Variants in MINDY4 observed in about 807,000 individuals in gnomAD.
The protein encoded by MINDY4 is MINDY lysine 48 deubiquitinase 4.
Under a neutral mutation model 87.0 loss-of-function variants are expected in MINDY4, and 68 were observed. The observed-to-expected ratio is 0.78, with a 90% CI of 0.64 to 0.96. The LOEUF is 0.96. MINDY4 is among the 40% of genes least tolerant of loss of function. The pLI, the probability that MINDY4 is intolerant of heterozygous loss-of-function variation, is 0.00. For synonymous variants in MINDY4, 379 were observed against 363.2 expected, an observed-to-expected ratio of 1.04 and a Z score of -0.50; for missense variants, 919 against 928.2, an observed-to-expected ratio of 0.99 and a Z score of 0.13.
intron 6 of MINDY4, among the ~76,000 whole-genome samples, chr7:30,832,526 G>A (rs1020597054): frequency 2.6e-5 from 4 of 151,586 alleles, no homozygotes; most frequent in South Asian, 2.1e-4. Flanking sequence ...TTTTTGAGAT[G>A]GAGTCTTGCT....
chr7:30,852,652 G>A (rs1443358880), intron 11 of MINDY4, among the ~76,000 whole-genome samples: 2 of 152,154 alleles, frequency 1.3e-5, no homozygotes, highest in African/African-American at 4.8e-5. Flanking sequence ...GAGAGGGAGA[G>A]AAAGTTAGAA....
intron 17 of MINDY4, among the ~76,000 whole-genome samples, chr7:30,887,928 C>T (rs557028968): frequency 4.6e-5 from 7 of 152,314 alleles, no homozygotes; most frequent in South Asian, 2.1e-4. Flanking sequence ...CTCCTCATTC[C>T]GAATGGCTGG....
chr7:30,826,810 A>G (rs1788529551), intron 5 of MINDY4, among the ~76,000 whole-genome samples: 1 of 152,242 alleles, frequency 6.6e-6, no homozygotes, highest in Non-Finnish European at 1.5e-5. Context: ...TCTGAGAAGC[A>G]GATGACTTTT....
chr7:30,778,459 G>C lies in MINDY4; in HGVS notation c.91G>C (p.Asp31His). ...KGLKKTCVTM[D>H]QERPRSDLSI... Reference sequence around the variant, plus strand: ...CTTAAAGAAGACATGTGTGACCATGGACCAGGAACGCCCACGCTCTGACCT... The same window carrying C: ...CTTAAAGAAGACATGTGTGACCATGCACCAGGAACGCCCACGCTCTGACCT... The change falls in exon 2 of 18, where the codon GAC becomes CAC. Residue 31 changes from aspartate (D) to histidine (H), a missense_variant. Coordinates refer to ENST00000265299, the MANE Select transcript of MINDY4 (RefSeq NM_032222.3). 1 of 1,614,178 alleles carries C rather than the reference G, an allele frequency of 6.2e-7. No individual in the cohort carries two copies. The highest frequency in any genetic ancestry group is 8.5e-7 in the Non-Finnish European group (1 of 1,180,012).
At position 30,791,039 on chromosome 7, in the gene MINDY4, G is replaced by T. The variant is rs1428557978; in HGVS notation, c.664-126G>T. 40 of 957,920 alleles carry T rather than the reference G, an allele frequency of 4.2e-5. 2 individuals are homozygous for T. The South Asian group carries it at 6.5e-4, about 16-fold the overall frequency. 59.3% of individuals were successfully genotyped at this position (957,920 alleles called of 1,614,324 possible). A position where few individuals can be genotyped will look rare whatever the true frequency, so the allele number is the denominator to read the frequency against. On this transcript the variant is annotated intron_variant, in intron 4 of 17. Coordinates refer to ENST00000265299, the MANE Select transcript of MINDY4 (RefSeq NM_032222.3). The stretch of plus-strand genomic sequence containing the variant: ...ATAATAGGCAAGATTTTAAGGGAAA[G>T]AGTCCGAGGTGGGAAAAGACATTCC...
chr7:30,780,567 A>G (rs1031802235), intron 2 of MINDY4: 5 of 152,238 alleles, frequency 3.3e-5, no homozygotes, highest in Admixed American at 1.3e-4. Context: ...ACTCATTAAT[A>G]TCTACTACAT....
intron 16 of MINDY4, 37 bp from the exon 17 acceptor site, chr7:30,882,884 C>G: frequency 3.1e-6 from 5 of 1,602,770 alleles, no homozygotes; most frequent in Non-Finnish European, 4.3e-6. Context: ...GTGCAGGGCC[C>G]TGGGTGACAT....
At chr7:30,854,253 T>G (rs1789504189) in intron 12 of MINDY4, among the ~76,000 whole-genome samples, 2 of 152,192 alleles carry the variant, frequency 1.3e-5, no homozygotes, top group Admixed American at 1.3e-4. Flanking sequence ...TCCTCATTTG[T>G]AAAATGTGGG....
chr7:30,847,367 GGAT>G (rs1460721506), intron 9 of MINDY4, among the ~76,000 whole-genome samples: 2 of 152,202 alleles, frequency 1.3e-5, no homozygotes, highest in Non-Finnish European at 2.9e-5. Context: ...AGAGCCTGTA[GGAT>G]GAGGGGACAG....
chr7:30,882,232 G>C lies in MINDY4; in HGVS notation c.2023G>C (p.Glu675Gln). ...PRFPIWVVCS[E>Q]SHFSILFSLQ... The stretch of plus-strand genomic sequence containing the variant: ...GTTCCCCATCTGGGTGGTTTGCAGT[G>C]AGAGCCACTTCAGCATCCTCTTTAG... Residue 675 changes from glutamate to glutamine, a missense_variant, in exon 16 of 18, where the codon GAG (glutamate) becomes CAG (glutamine). Physicochemically the swap from Glu to Gln is conservative, Grantham distance 29 (BLOSUM62 2). Coordinates refer to ENST00000265299, the MANE Select transcript of MINDY4 (RefSeq NM_032222.3). 6.2e-7 allele frequency: 1 copy of C among 1,613,866 alleles called. No homozygotes were observed. The highest frequency in any genetic ancestry group is 8.5e-7 in the Non-Finnish European group (1 of 1,179,802).
rs76707463 is a variant in MINDY4, at chr7:30,861,004, G to GAC, written c.1745+1692_1745+1693dup. 2.0e-3 allele frequency among the ~76,000 whole-genome samples: 309 copies of GAC among 152,058 alleles called. 1 individual carries two copies. The highest frequency in any genetic ancestry group is 3.1e-3 in the Non-Finnish European group (212 of 67,960). On this transcript the variant is annotated intron_variant, in intron 13 of 17. Transcript: ENST00000265299. ...ATGCACATACGTGGCCACACACAGA[G>GAC]ACACACACACACAGACACACGAAAA...
chr7:30,813,452 C>T (rs1273481763), intron 5 of MINDY4, among the ~76,000 whole-genome samples: 5 of 152,190 alleles, frequency 3.3e-5, no homozygotes, highest in African/African-American at 1.2e-4. Context: ...GGATTCTCAG[C>T]CATGTCCAGC....
chr7:30,794,480 C>T (rs1787421298), intron 5 of MINDY4, among the ~76,000 whole-genome samples: 1 of 152,036 alleles, frequency 6.6e-6, no homozygotes, highest in East Asian at 1.9e-4. Flanking sequence ...TCAGGAAAAT[C>T]CATGGAAGTC....
chr7:30,856,049 C>T (rs1789559378), intron 12 of MINDY4, among the ~76,000 whole-genome samples: 3 of 152,222 alleles, frequency 2.0e-5, no homozygotes, highest in South Asian at 4.1e-4. Flanking sequence ...CATTACTGCT[C>T]ACCCTCTGGG....
At chr7:30,856,494 A>G (rs1789572908) in intron 12 of MINDY4, among the ~76,000 whole-genome samples, 1 of 151,524 alleles carries the variant, frequency 6.6e-6, no homozygotes, top group African/African-American at 2.4e-5. Flanking sequence ...TAAATGTAAT[A>G]ATAGTTCCCC....
chr7:30,858,995 A>T, intron 12 of MINDY4: 1 of 693,524 alleles, frequency 1.4e-6, no homozygotes, highest in Non-Finnish European at 2.7e-6. Context: ...CTGTCTTGTG[A>T]GTTTTGAGGA....
At chr7:30,783,822 A>G (rs1392349688) in intron 3 of MINDY4, among the ~76,000 whole-genome samples, 2 of 152,224 alleles carry the variant, frequency 1.3e-5, no homozygotes, top group Non-Finnish European at 2.9e-5. Flanking sequence ...AAACAGGGGT[A>G]TGGTATTCTA....
intron 5 of MINDY4, among the ~76,000 whole-genome samples, chr7:30,813,679 A>G (rs188078023): frequency 3.3e-5 from 5 of 152,264 alleles, no homozygotes; most frequent in Admixed American, 3.3e-4. Context: ...GGACACAGCT[A>G]ATTTTAGCCC....
chr7:30,805,539 G>C (rs1274246195), intron 5 of MINDY4, among the ~76,000 whole-genome samples: 2 of 152,142 alleles, frequency 1.3e-5, no homozygotes, highest in Non-Finnish European at 2.9e-5. Context: ...GCAAGAAAAC[G>C]GAGTGGTCAG....
Sources: gnomAD v4.1 joint callset for allele counts (sites outside exome capture counted in the v4.1 genomes callset) on GRCh38, gnomAD v4.1.1 for gene constraint, MANE v1.5 for transcripts, NCBI Gene and HGNC (gene_info 2026-07-23, HGNC 2026-07-21) for gene names.